Variants in NDUFAF6 observed in about 807,000 individuals in gnomAD.
The protein encoded by NDUFAF6 is NADH dehydrogenase (ubiquinone) complex I, assembly factor 6.
In NDUFAF6, 45 loss-of-function variants were observed where a neutral mutation model predicts 40.8. The observed-to-expected ratio is 1.10, with a 90% CI of 0.87 to 1.42. The LOEUF is 1.42. Ranked by LOEUF, NDUFAF6 falls within the 40% of genes most tolerant of loss-of-function variation. NDUFAF6 has a pLI of 0.00. For synonymous variants in NDUFAF6, 185 were observed against 155.9 expected (o/e 1.19, Z -1.39); for missense variants, 435 against 418.5 (o/e 1.04, Z -0.34).
At chr8:95,055,770 T>G (rs1832045604) in intron 8 of NDUFAF6, among the ~76,000 whole-genome samples, 1 of 152,228 alleles carries the variant, frequency 6.6e-6, no homozygotes, top group Non-Finnish European at 1.5e-5. Flanking sequence ...TCTTTTAAAC[T>G]TGTTAATATT....
At chr8:95,111,081 CA>C (rs1260966118) in intron 4 of NDUFAF6, among the ~76,000 whole-genome samples, 3 of 152,154 alleles carry the variant, frequency 2.0e-5, no homozygotes, top group Admixed American at 2.0e-4. Context: ...CACTTAATGA[CA>C]GGGGAGCCGA....
At chr8:94,949,478 G>C (rs1822366971) in intron 2 of NDUFAF6, 1 of 151,912 alleles carries the variant, frequency 6.6e-6, no homozygotes, top group African/African-American at 2.4e-5. Flanking sequence ...CCCCGGGGCC[G>C]CCCTGCGAGA....
intron 9 of NDUFAF6, among the ~76,000 whole-genome samples, chr8:95,066,447 T>A (rs554782103): frequency 1.3e-3 from 199 of 151,242 alleles, no homozygotes; most frequent in African/African-American, 4.4e-3. Flanking sequence ...AAATCACTTT[T>A]AAAAAAAAAG....
chr8:94,971,844 A>G (rs1249250976), intron 1 of NDUFAF6, among the ~76,000 whole-genome samples: 3 of 152,028 alleles, frequency 2.0e-5, no homozygotes, highest in African/African-American at 7.2e-5. Context: ...AGGCTGAGGC[A>G]GGAGAATCAC....
At chr8:95,114,774 G>T (rs1810092767) in intron 4 of NDUFAF6, among the ~76,000 whole-genome samples, 2 of 152,126 alleles carry the variant, frequency 1.3e-5, no homozygotes, top group Admixed American at 6.5e-5. Flanking sequence ...AGTCAGGTAT[G>T]GTTTTCTTTA....
intron 2 of NDUFAF6, among the ~76,000 whole-genome samples, chr8:95,009,647 C>T (rs1019144832): frequency 2.0e-5 from 3 of 152,202 alleles, no homozygotes; most frequent in Middle Eastern, 3.4e-3. Context: ...CGGGCCAGCC[C>T]AGACAGAAAG....
chr8:94,997,988 C>G (rs1826532629), intron 2 of NDUFAF6, among the ~76,000 whole-genome samples: 1 of 152,146 alleles, frequency 6.6e-6, no homozygotes, highest in Admixed American at 6.5e-5. Context: ...GCTGTCCAAT[C>G]CCATCTGCCT....
intron 2 of NDUFAF6, among the ~76,000 whole-genome samples, chr8:94,996,153 C>G (rs957241730): frequency 6.6e-6 from 1 of 152,126 alleles, no homozygotes; most frequent in African/African-American, 2.4e-5. Flanking sequence ...TTAAACTGAC[C>G]CTGGGTCAGG....
chr8:94,936,319 G>A (rs1245664632), intron 1 of NDUFAF6, among the ~76,000 whole-genome samples: 1 of 152,204 alleles, frequency 6.6e-6, no homozygotes, highest in Admixed American at 6.5e-5. Context: ...TGTAGGGAAT[G>A]TAAGAAGGAC....
In NDUFAF6 at chr8:95,046,032, A is replaced by ATTTATTTTATTTTATT. The variant is rs1554676269; in HGVS notation, c.580+388_580+403dup. Among the ~76,000 whole-genome samples the ATTTATTTTATTTTATT allele has an allele frequency of 9.3e-4, 137 of 147,810 alleles. 1 individual carries two copies. Among genetic ancestry groups the ATTTATTTTATTTTATT allele is most frequent in the African/African-American group, 3.6e-3 (137 of 37,708 alleles). On this transcript the variant is annotated intron_variant, in intron 5 of 8. Coordinates refer to ENST00000396124, the MANE Select transcript of NDUFAF6 (RefSeq NM_152416.4). ...AAGAAAAGTAGAAGAAGTAAAACACATTTATTTTATTTTATTTTATTTTAT... is the reference window on the plus strand; with the variant it reads ...AAGAAAAGTAGAAGAAGTAAAACACATTTATTTTATTTTATTTTTATTTTATTTTATTTTATTTTAT...
intron 2 of NDUFAF6, among the ~76,000 whole-genome samples, chr8:94,947,956 T>C (rs1822162120): frequency 6.6e-6 from 1 of 152,222 alleles, no homozygotes; most frequent in African/African-American, 2.4e-5. Context: ...TGTATTTCAA[T>C]TACCAGGCTG....
At chr8:94,939,946 C>A (rs763724422) in intron 1 of NDUFAF6, 5 of 1,614,120 alleles carry the variant, frequency 3.1e-6, no homozygotes, top group Non-Finnish European at 4.2e-6. Context: ...CATAGACAGA[C>A]ATGCTGGGAT....
chr8:95,098,568 G>C (rs1054996777), upstream of NDUFAF6, among the ~76,000 whole-genome samples: 1 of 152,246 alleles, frequency 6.6e-6, no homozygotes, highest in Non-Finnish European at 1.5e-5. Context: ...TAGTCAGGGG[G>C]CTGAGGAAGG....
chr8:95,107,692 C>A (rs1382522244), downstream of NDUFAF6, among the ~76,000 whole-genome samples: 1 of 152,076 alleles, frequency 6.6e-6, no homozygotes, highest in Non-Finnish European at 1.5e-5. Flanking sequence ...CTGAGTAAAG[C>A]TATTATTAAA....
downstream of NDUFAF6, among the ~76,000 whole-genome samples, chr8:95,079,814 A>G (rs938429872): frequency 6.6e-6 from 1 of 151,582 alleles, no homozygotes; most frequent in African/African-American, 2.4e-5. Context: ...TCCCAGGCTC[A>G]CTTGATCCTC....
At chr8:94,982,949 C>T (rs1004425595) in intron 2 of NDUFAF6, among the ~76,000 whole-genome samples, 1 of 152,240 alleles carries the variant, frequency 6.6e-6, no homozygotes, top group African/African-American at 2.4e-5. Flanking sequence ...CAATACTGGT[C>T]AGCCCTGGAA....
chr8:94,930,650 T>C (rs760551466), intron 1 of NDUFAF6: 1 of 1,614,240 alleles, frequency 6.2e-7, no homozygotes, highest in Non-Finnish European at 8.5e-7. Context: ...TCTTGGGTTG[T>C]TCCAGAAAAG....
chr8:95,095,024 C>T (rs1414430076), intron 2 of NDUFAF6, among the ~76,000 whole-genome samples: 5 of 151,466 alleles, frequency 3.3e-5, no homozygotes, highest in Non-Finnish European at 5.9e-5. Flanking sequence ...ACCTCAGCCT[C>T]CCAAAGTGAG....
chr8:95,067,753 C>T (rs1832737100), intron 9 of NDUFAF6: 1 of 152,122 alleles, frequency 6.6e-6, no homozygotes. Flanking sequence ...TCCTCTGACA[C>T]CACCCCAGCA....
Sources: gnomAD v4.1 joint callset for allele counts (sites outside exome capture counted in the v4.1 genomes callset) on GRCh38, gnomAD v4.1.1 for gene constraint, MANE v1.5 for transcripts, NCBI Gene and HGNC (gene_info 2026-07-23, HGNC 2026-07-21) for gene names.